The following ZSCAN20 variants were observed in gnomAD, a reference collection of about 807,000 sequenced individuals.
ZSCAN20 encodes the protein zinc finger and SCAN domain-containing protein 20.
A neutral mutation model predicts 97.1 loss-of-function variants in ZSCAN20; 39 were observed. The ratio of observed to expected loss-of-function variants is 0.40; its 90% CI spans 0.31 to 0.52. The LOEUF (loss-of-function observed/expected upper bound fraction) is 0.52. Ranked by LOEUF, ZSCAN20 falls within the 20% of genes least tolerant of loss-of-function variation. The pLI, the probability that ZSCAN20 is intolerant of heterozygous loss-of-function variation, is 0.49. For synonymous variants in ZSCAN20, 456 were observed against 467.3 expected (o/e 0.98, Z 0.31); for missense variants, 1,115 against 1,290.4 (o/e 0.86, Z 2.08).
intron 2 of ZSCAN20, 25 bp from the exon 3 acceptor site, chr1:33,488,440 G>A (rs1652451504): frequency 6.2e-7 from 1 of 1,605,666 alleles, no homozygotes; most frequent in Non-Finnish European, 8.5e-7. Context: ...ATTGTTGATT[G>A]GGAATTTTGA....
rs1057045873 is a variant in ZSCAN20 at position 33,499,791 on chromosome 1, G to A, written c.*4315G>A. Among the ~76,000 whole-genome samples the A allele has an allele frequency of 6.6e-6, 1 of 151,958 alleles. No individual in the cohort carries two copies. The highest frequency in any genetic ancestry group is 1.5e-5 in the Non-Finnish European group (1 of 67,988). ...CCATTTTTTTTGGGGGGGAGATGGG[G>A]GTCTTGTGTTGCCCAGGCTGGTCTT... On this transcript the variant is annotated 3_prime_UTR_variant, in exon 8 of 8. Transcript: ENST00000684572.
chr1:33,495,181 T>C lies in ZSCAN20; in HGVS notation c.2837T>C (p.Leu946Pro), dbSNP rs1457561419. 1.2e-6 allele frequency: 2 copies of C among 1,613,842 alleles called. No homozygotes were observed. The highest frequency in any genetic ancestry group is 1.7e-6 in the Non-Finnish European group (2 of 1,179,988). Reference sequence around the variant, plus strand: ...AAGTGCTTCAGTGAGCGCTCCAAGCTCATCACACACCAGAGAGTGCACACA... The same window carrying C: ...AAGTGCTTCAGTGAGCGCTCCAAGCCCATCACACACCAGAGAGTGCACACA... The part of the protein sequence containing the change: ...CGKCFSERSK[L>P]ITHQRVHTGE... Residue 946 changes from leucine (L) to proline (P), a missense_variant, in exon 8 of 8, where the codon CTC (leucine) becomes CCC (proline). Physicochemically the swap from Leu to Pro is moderately conservative, Grantham distance 98. Transcript: ENST00000684572.
At chr1:33,486,131 G>A (rs1652356469) in intron 2 of ZSCAN20, among the ~76,000 whole-genome samples, 1 of 152,168 alleles carries the variant, frequency 6.6e-6, no homozygotes, top group South Asian at 2.1e-4. Context: ...GAGTGCCCTG[G>A]CATATTTCAA....
rs1179280340 is a variant in ZSCAN20 at position 33,495,600 on chromosome 1, A to G, written c.*124A>G. 6 of 887,658 alleles carry G rather than the reference A, an allele frequency of 6.8e-6. No homozygotes were observed. The East Asian group carries it at 1.8e-4, about 26-fold the overall frequency. The allele number at this position is 887,658 out of a possible 1,614,324, so 55.0% of individuals were successfully genotyped here. ...GTACCCAGGGAAGTTATCTTGGTAT[A>G]AACCAGGTAATTTGGAAGTGAATTA... On this transcript the variant is annotated 3_prime_UTR_variant, in exon 8 of 8. Transcript: ENST00000684572.
intron 1 of ZSCAN20, among the ~76,000 whole-genome samples, chr1:33,474,351 T>A (rs1193214062): frequency 1.3e-5 from 2 of 152,212 alleles, no homozygotes; most frequent in Non-Finnish European, 2.9e-5. Context: ...CTTTAAGAGT[T>A]CCCAGTTTTT....
chr1:33,501,538 T>TTA lies in ZSCAN20; in HGVS notation c.*6063_*6064insAT, dbSNP rs1553124191. Among the ~76,000 whole-genome samples, 381 of 147,378 alleles carry TTA rather than the reference T, an allele frequency of 2.6e-3. No homozygotes were observed. Among genetic ancestry groups the TTA allele is most frequent in the Non-Finnish European group, 4.3e-3 (289 of 67,152 alleles). ...CTTTCACTTCCCCATTTTCTGTTAT[T>TTA]TTTTTTTTTTTTGTGCTGTTATGTA... On this transcript the variant is annotated 3_prime_UTR_variant, in exon 8 of 8. Transcript: ENST00000684572.
At chr1:33,483,093 T>C (rs1652215105) in intron 2 of ZSCAN20, among the ~76,000 whole-genome samples, 1 of 152,224 alleles carries the variant, frequency 6.6e-6, no homozygotes, top group Non-Finnish European at 1.5e-5. Context: ...CAATTATTTC[T>C]TTCATGGATT....
In ZSCAN20 at chr1:33,489,515, C is replaced by T. The variant is rs1652511521; in HGVS notation, c.682-3C>T. On this transcript the variant is annotated splice_polypyrimidine_tract_variant and splice_region_variant and intron_variant, in intron 4 of 7. Transcript: ENST00000684572. ...TGGGGTCCTTGTCTTGTGCATCTCG[C>T]AGGAAGCCCTGGGCCCTGGCAAACA... is the stretch of plus-strand genomic sequence containing the variant. 2 of 1,614,012 alleles carry T rather than the reference C, an allele frequency of 1.2e-6. No individual in the cohort carries two copies. Among genetic ancestry groups the T allele is most frequent in the Non-Finnish European group, 1.7e-6 (2 of 1,179,946 alleles).
In ZSCAN20 at chr1:33,489,560, A is replaced by T; in HGVS notation, c.724A>T (p.Lys242Ter). 6.2e-7 allele frequency: 1 copy of T among 1,614,152 alleles called. No individual in the cohort carries two copies. Among genetic ancestry groups the T allele is most frequent in the Non-Finnish European group, 8.5e-7 (1 of 1,180,016 alleles). Residue 242 changes from lysine (K) to a stop codon, truncating the protein, a stop_gained, in exon 5 of 8, where the codon AAA becomes TAA. Transcript: ENST00000684572. LOFTEE classifies it high-confidence loss of function. Reference protein sequence around the residue: ...PGKHAEKELCKDPPGDDCGNS... With the variant: ...PGKHAEKELC ...CAAACATGCTGAGAAGGAGCTCTGT[A>T]AAGACCCCCCAGGAGACGACTGTGG...
rs564537935 is a variant in ZSCAN20 at position 33,498,773 on chromosome 1, C to T, written c.*3297C>T. 1.3e-5 allele frequency among the ~76,000 whole-genome samples: 2 copies of T among 152,246 alleles called. No individual in the cohort carries two copies. The highest frequency in any genetic ancestry group is 2.9e-5 in the Non-Finnish European group (2 of 68,000). Reference sequence around the variant, plus strand: ...ATCGTCTCCCCAGATGGCTGCCTCCCCTTGATTTCTTCACCCTCCACCTCA... The same window carrying T: ...ATCGTCTCCCCAGATGGCTGCCTCCTCTTGATTTCTTCACCCTCCACCTCA... On this transcript the variant is annotated 3_prime_UTR_variant, in exon 8 of 8. Transcript: ENST00000684572.
At position 33,494,769 on chromosome 1, in the gene ZSCAN20, C is replaced by G; in HGVS notation, c.2425C>G (p.Leu809Val). 1 of 1,614,130 alleles carries G rather than the reference C, an allele frequency of 6.2e-7. No homozygotes were observed. The highest frequency in any genetic ancestry group is 8.5e-7 in the Non-Finnish European group (1 of 1,180,016). ...GAAAAGCTTCAACCAGAGCTCAAACCTTCTGAAACATCAGAGAATCCACTT... is the reference window on the plus strand; with the variant it reads ...GAAAAGCTTCAACCAGAGCTCAAACGTTCTGAAACATCAGAGAATCCACTT... ...CWKSFNQSSN[L>V]LKHQRIHLGG... The change falls in exon 8 of 8, where the codon CTT becomes GTT. Residue 809 changes from leucine to valine, a missense_variant. Transcript: ENST00000684572.
At chr1:33,494,129 T>C in intron 7 of ZSCAN20, 89 bp from the exon 8 acceptor site, 1 of 1,223,868 alleles carries the variant, frequency 8.2e-7, no homozygotes, top group South Asian at 1.8e-5. Flanking sequence ...GTTAGCCAAA[T>C]TCACAGATGT....
chr1:33,483,443 A>G (rs1392064213), intron 2 of ZSCAN20, among the ~76,000 whole-genome samples: 1 of 152,040 alleles, frequency 6.6e-6, no homozygotes, highest in Non-Finnish European at 1.5e-5. Flanking sequence ...CTTGATTACT[A>G]TAGTTTATAG....
chr1:33,495,373 CAG>C lies in ZSCAN20; in HGVS notation c.3030_3031del (p.Lys1013ThrfsTer61), dbSNP rs773525191. The stretch of plus-strand genomic sequence containing the variant: ...CTTATTATTCACCAGAGAATCCACA[CAG>C]GGGAGAAACCCTACAAGTGCACAGA... On this transcript the variant is annotated frameshift_variant, in exon 8 of 8. Transcript: ENST00000684572. LOFTEE classifies it high-confidence loss of function. The C allele has an allele frequency of 8.1e-6, 13 of 1,612,934 alleles. No individual in the cohort carries two copies. The highest frequency in any genetic ancestry group is 4.5e-5 in the East Asian group (2 of 44,878).
rs1299097085 is a variant in ZSCAN20, at chr1:33,491,927, G to A, written c.1444+225G>A. 4.8e-6 allele frequency: 2 copies of A among 416,776 alleles called. No individual in the cohort carries two copies. Among genetic ancestry groups the A allele is most frequent in the East Asian group, 7.2e-5 (2 of 27,878 alleles). The allele number at this position is 416,776 out of a possible 1,614,324, so 25.8% of individuals were successfully genotyped here. The stretch of plus-strand genomic sequence containing the variant: ...AAGCAAACATTTTTAAAGCCTTAAG[G>A]GGCCTCAAAGAGTGAATCCAGTATT... On this transcript the variant is annotated intron_variant, in intron 6 of 7. Coordinates refer to ENST00000684572, the MANE Select transcript of ZSCAN20 (RefSeq NM_001377376.1). This position sits in a 1 kb window ranked among gnomAD's most constrained non-coding sequence, Gnocchi z 4.3.
At chr1:33,486,441 C>A (rs1458962239) in intron 2 of ZSCAN20, among the ~76,000 whole-genome samples, 1 of 152,170 alleles carries the variant, frequency 6.6e-6, no homozygotes, top group Admixed American at 6.5e-5. Flanking sequence ...GAATGGTTTG[C>A]CCTGTGACCT....
In ZSCAN20 at chr1:33,499,963, C is replaced by G. The variant is rs1653008031; in HGVS notation, c.*4487C>G. ...AATCTCAAGCCCCTGCCCCAATCTG[C>G]TACAAGGGGTTAGTGTTCCATGCAG... On this transcript the variant is annotated 3_prime_UTR_variant, in exon 8 of 8. Coordinates refer to ENST00000684572, the MANE Select transcript of ZSCAN20 (RefSeq NM_001377376.1). 6.6e-6 allele frequency among the ~76,000 whole-genome samples: 1 copy of G among 152,104 alleles called. No homozygotes were observed. Among genetic ancestry groups the G allele is most frequent in the Admixed American group, 6.5e-5 (1 of 15,272 alleles).
rs1288355914 is a variant in ZSCAN20 at position 33,493,200 on chromosome 1, G to T, written c.1458G>T (p.Trp486Cys). 1 of 1,613,638 alleles carries T rather than the reference G, an allele frequency of 6.2e-7. No homozygotes were observed. The highest frequency in any genetic ancestry group is 1.3e-5 in the African/African-American group (1 of 74,886). The change falls in exon 7 of 8, where the codon TGG becomes TGT. Residue 486 changes from tryptophan (W) to cysteine (C), a missense_variant. By Grantham distance (215) the Trp-to-Cys change is radical (BLOSUM62 -2). Transcript: ENST00000684572. The surrounding 1 kb of genome is among the most constrained non-coding windows in gnomAD (Gnocchi z 4.3). Reference sequence around the variant, plus strand: ...CACTCCTGACAGCAGGTGTGCACTGGGGCTATGAGGAGACCAAGGCCTTCC... The same window carrying T: ...CACTCCTGACAGCAGGTGTGCACTGTGGCTATGAGGAGACCAAGGCCTTCC... The part of the protein sequence containing the change: ...LFQSRIAGVH[W>C]GYEETKAFLA...
At chr1:33,489,270 C>A in intron 4 of ZSCAN20, 79 bp downstream of exon 4, 1 of 1,448,466 alleles carries the variant, frequency 6.9e-7, no homozygotes, top group Non-Finnish European at 9.6e-7. Context: ...CCTCTCTCTC[C>A]ATGACCTCTG....
Sources: allele counts gnomAD v4.1 joint callset (sites outside exome capture counted in the v4.1 genomes callset), GRCh38; gene constraint gnomAD v4.1.1; non-coding constraint Gnocchi (gnomAD v3.1); transcripts MANE v1.5; gene names NCBI Gene and HGNC (gene_info 2026-07-23, HGNC 2026-07-21).